Variants in RERE observed in about 807,000 individuals in gnomAD.
RERE encodes arginine-glutamic acid dipeptide repeats.
Under a neutral mutation model 146.1 loss-of-function variants are expected in RERE, and 40 were observed. That is an observed-to-expected ratio of 0.27 (90% CI 0.21 to 0.36). The LOEUF is 0.36. Among genes scored for constraint, RERE ranks in the 10% least tolerant of loss-of-function variants. The pLI is 1.00. For missense variants in RERE, 1,933 were observed against 2,138.7 expected, an observed-to-expected ratio of 0.90 and a Z score of 1.90; for synonymous variants, 1,003 against 866.0, an observed-to-expected ratio of 1.16 and a Z score of -2.78.
At chr1:8,550,738 G>A (rs1160910930) in intron 6 of RERE, among the ~76,000 whole-genome samples, 4 of 152,208 alleles carry the variant, frequency 2.6e-5, no homozygotes, top group Admixed American at 6.5e-5. Context: ...AGTAGAGACG[G>A]GGTTTTGCCA....
intron 12 of RERE, among the ~76,000 whole-genome samples, chr1:8,399,456 C>T (rs1483986449): frequency 2.0e-5 from 3 of 152,184 alleles, no homozygotes; most frequent in African/African-American, 7.2e-5. Context: ...TAGTTCCCCA[C>T]GGATATCACA....
chr1:8,768,027 C>A (rs946807128), intron 1 of RERE, among the ~76,000 whole-genome samples: 1 of 151,946 alleles, frequency 6.6e-6, no homozygotes, highest in Non-Finnish European at 1.5e-5. Flanking sequence ...GGAGAAAAGA[C>A]GAGCTACGTG....
chr1:8,611,642 T>C (rs547444380), intron 4 of RERE, among the ~76,000 whole-genome samples: 1 of 152,098 alleles, frequency 6.6e-6, no homozygotes, highest in Non-Finnish European at 1.5e-5. Context: ...AGAATTAAAA[T>C]GCTAACTAAC....
In RERE at chr1:8,441,895, C is replaced by A. The variant is rs914711038; in HGVS notation, c.1204-19088G>T. ...AAAACATTTCTTCTATACTTAAGAG[C>A]TTTATTATTAAAGGAAATAACCATA... is the stretch of plus-strand genomic sequence containing the variant. On this transcript the variant is annotated intron_variant, in intron 11 of 22. Coordinates refer to ENST00000400908, the MANE Select transcript of RERE (RefSeq NM_001042681.2). Among the ~76,000 whole-genome samples, 10 of 134,356 alleles carry A rather than the reference C, an allele frequency of 7.4e-5. No homozygotes were observed. The Admixed American group carries it at 7.6e-4, about 10-fold the overall frequency. The allele number at this position is 134,356 out of a possible 152,430, so 88.1% of individuals were successfully genotyped here.
chr1:8,380,593 T>C, intron 12 of RERE: 2 of 329,850 alleles, frequency 6.1e-6, no homozygotes, highest in Non-Finnish European at 1.2e-5. Flanking sequence ...GTGATCCACC[T>C]GCCTTGGCCT....
At chr1:8,667,111 G>T (rs1174901716) in intron 1 of RERE, among the ~76,000 whole-genome samples, 2 of 152,082 alleles carry the variant, frequency 1.3e-5, no homozygotes, top group Non-Finnish European at 2.9e-5. Flanking sequence ...GAGCTTTGGG[G>T]AAACAACTGA....
chr1:8,438,762 A>T (rs2124490373), intron 11 of RERE, among the ~76,000 whole-genome samples: 1 of 152,314 alleles, frequency 6.6e-6, no homozygotes, highest in South Asian at 2.1e-4. Context: ...TAAAATGTTG[A>T]ATGTTCCAGT....
intron 12 of RERE, among the ~76,000 whole-genome samples, chr1:8,412,241 C>T (rs1283065701): frequency 2.6e-5 from 4 of 152,192 alleles, no homozygotes; most frequent in African/African-American, 4.8e-5. Context: ...AATACATAAG[C>T]GAAGCATCAC....
At chr1:8,574,914 T>C (rs1005407262) in intron 4 of RERE, among the ~76,000 whole-genome samples, 3 of 152,240 alleles carry the variant, frequency 2.0e-5, no homozygotes, top group African/African-American at 7.2e-5. Flanking sequence ...GAATATATAT[T>C]AGACTTCAAT....
intron 10 of RERE, among the ~76,000 whole-genome samples, chr1:8,475,228 G>C (rs1557648500): frequency 6.7e-6 from 1 of 149,646 alleles, no homozygotes; most frequent in South Asian, 2.1e-4. Context: ...ACAAAAATTA[G>C]CCGGGTGTGG....
intron 1 of RERE, among the ~76,000 whole-genome samples, chr1:8,668,924 CT>C (rs1638639415): frequency 1.2e-5 from 1 of 83,508 alleles, no homozygotes; most frequent in Admixed American, 1.3e-4. Flanking sequence ...GCACTAAACT[CT>C]GTGTGTGTGT....
intron 1 of RERE, among the ~76,000 whole-genome samples, chr1:8,770,656 A>G (rs1246817520): frequency 6.6e-6 from 1 of 152,244 alleles, no homozygotes; most frequent in Non-Finnish European, 1.5e-5. Context: ...AAAATGCTGT[A>G]TTTTAAAAAC....
intron 1 of RERE, among the ~76,000 whole-genome samples, chr1:8,804,956 T>G (rs1308600833): frequency 6.6e-6 from 1 of 152,068 alleles, no homozygotes; most frequent in African/African-American, 2.4e-5. Flanking sequence ...GAGTACTATA[T>G]TTATTAAACT....
intron 1 of RERE, among the ~76,000 whole-genome samples, chr1:8,695,340 G>A (rs140700989): frequency 3.3e-4 from 50 of 151,998 alleles, no homozygotes; most frequent in African/African-American, 1.1e-3. Flanking sequence ...ACACCATTCC[G>A]ACCCTTGGCT....
At chr1:8,780,553 T>C (rs1232508121) in intron 1 of RERE, among the ~76,000 whole-genome samples, 1 of 152,126 alleles carries the variant, frequency 6.6e-6, no homozygotes, top group Non-Finnish European at 1.5e-5. Context: ...ATCCAGGGTA[T>C]ACCAAAATAT....
chr1:8,802,953 T>C lies in RERE; in HGVS notation c.-145+14207A>G, dbSNP rs115355997. On this transcript the variant is annotated intron_variant, in intron 1 of 22. Coordinates refer to ENST00000400908, the MANE Select transcript of RERE (RefSeq NM_001042681.2). The stretch of plus-strand genomic sequence containing the variant: ...CATCCAGCTGCCCAGGGCCCTGGTA[T>C]GCCTCCTGAAAAGGCAATAACTATG... Among the ~76,000 whole-genome samples the C allele has an allele frequency of 1.0e-2, 1,518 of 152,316 alleles. 23 individuals carry two copies. Among genetic ancestry groups the C allele is most frequent in the African/African-American group, 0.035 (1,438 of 41,552 alleles).
chr1:8,635,434 G>A (rs1647085526), intron 2 of RERE, among the ~76,000 whole-genome samples: 1 of 152,190 alleles, frequency 6.6e-6, no homozygotes. Flanking sequence ...CCTAAAATGA[G>A]ACGAGAGCTT....
chr1:8,815,465 A>G (rs1000117279), intron 1 of RERE, among the ~76,000 whole-genome samples: 8 of 152,242 alleles, frequency 5.3e-5, no homozygotes, highest in Non-Finnish European at 1.0e-4. Context: ...TACAAAAGCA[A>G]TGAGAGCTGA....
At chr1:8,657,040 C>T (rs1376874614) in intron 1 of RERE, among the ~76,000 whole-genome samples, 1 of 152,308 alleles carries the variant, frequency 6.6e-6, no homozygotes, top group South Asian at 2.1e-4. Flanking sequence ...CGGTGGCTCA[C>T]GCCTGTAATC....
Sources: allele counts gnomAD v4.1 joint callset (sites outside exome capture counted in the v4.1 genomes callset), GRCh38; gene constraint gnomAD v4.1.1; transcripts MANE v1.5; gene names NCBI Gene and HGNC (gene_info 2026-07-23, HGNC 2026-07-21).